BAZ2B: variants seen among roughly 807,000 people sequenced by gnomAD.
The protein encoded by BAZ2B is bromodomain adjacent to zinc finger domain 2B.
In BAZ2B, 91 loss-of-function variants were observed where a neutral mutation model predicts 246.0. The observed-to-expected ratio is 0.37, with a 90% CI of 0.31 to 0.44. The LOEUF (loss-of-function observed/expected upper bound fraction) is 0.44. BAZ2B is among the 20% of genes least tolerant of loss of function. The pLI is 1.00. For missense variants in BAZ2B, 2,332 were observed against 2,533.7 expected (o/e 0.92, Z 1.71); for synonymous variants, 855 against 860.0 (o/e 0.99, Z 0.10).
chr2:159,342,799 C>CT (rs1395799954), intron 31 of BAZ2B, among the ~76,000 whole-genome samples: 1 of 152,086 alleles, frequency 6.6e-6, no homozygotes, highest in East Asian at 1.9e-4. Flanking sequence ...TACAATCATG[C>CT]TTATGGATCA....
chr2:159,333,779 G>A (rs963856371), intron 33 of BAZ2B, among the ~76,000 whole-genome samples: 4 of 152,018 alleles, frequency 2.6e-5, no homozygotes, highest in Non-Finnish European at 4.4e-5. Context: ...TTATAACTTA[G>A]TATGTATACC....
chr2:159,545,544 A>G (rs2087215072), intron 2 of BAZ2B, among the ~76,000 whole-genome samples: 1 of 146,306 alleles, frequency 6.8e-6, no homozygotes, highest in South Asian at 2.2e-4. Context: ...TATACATTCC[A>G]GTTACACACT....
At chr2:159,643,599 G>C in the BAZ2B span, among the ~76,000 whole-genome samples, 2 of 152,096 alleles carry the variant, frequency 1.3e-5, no homozygotes, top group African/African-American at 2.4e-5. Flanking sequence ...AACTTGGCTG[G>C]TGCGGTGGCT....
chr2:159,620,552 G>T (rs750070466), upstream of BAZ2B, among the ~76,000 whole-genome samples: 1 of 152,090 alleles, frequency 6.6e-6, no homozygotes, highest in Non-Finnish European at 1.5e-5. Flanking sequence ...ACTAGAAAAG[G>T]CTTTATCAAA....
At chr2:159,365,457 T>C (rs977006417) in intron 27 of BAZ2B, among the ~76,000 whole-genome samples, 3 of 152,198 alleles carry the variant, frequency 2.0e-5, no homozygotes, top group Non-Finnish European at 2.9e-5. Flanking sequence ...TACACCTCAA[T>C]AGTTATTTCC....
At chr2:159,688,940 G>C in the BAZ2B span, among the ~76,000 whole-genome samples, 1 of 152,064 alleles carries the variant, frequency 6.6e-6, no homozygotes, top group East Asian at 1.9e-4. Flanking sequence ...TTCACAACTT[G>C]GTAAAGGTGG....
intron 14 of BAZ2B, 104 bp from the exon 15 acceptor site, chr2:159,405,218 AC>A (rs74694096): frequency 0.95 from 874,893 of 925,628 alleles, 414,473 homozygotes; most frequent in South Asian, 0.96. Flanking sequence ...TATAATTATT[AC>A]TTTTTTTTTT....
At chr2:159,564,752 T>C (rs956946200) in intron 1 of BAZ2B, among the ~76,000 whole-genome samples, 1 of 152,166 alleles carries the variant, frequency 6.6e-6, no homozygotes, top group African/African-American at 2.4e-5. Flanking sequence ...AAGAGTGTGA[T>C]CTTGACAAAG....
chr2:159,567,799 C>T (rs1476878899), intron 1 of BAZ2B, among the ~76,000 whole-genome samples: 2 of 152,042 alleles, frequency 1.3e-5, no homozygotes, highest in Admixed American at 6.6e-5. Flanking sequence ...TGGTGAAACC[C>T]CATCTCTACT....
At chr2:159,605,961 A>G (rs964935737) in intron 1 of BAZ2B, among the ~76,000 whole-genome samples, 1 of 152,160 alleles carries the variant, frequency 6.6e-6, no homozygotes, top group Non-Finnish European at 1.5e-5. Flanking sequence ...AAGTTATTAC[A>G]TGTTCTCTTC....
At chr2:159,511,009 T>G (rs1209120059) in intron 2 of BAZ2B, among the ~76,000 whole-genome samples, 1 of 152,238 alleles carries the variant, frequency 6.6e-6, no homozygotes, top group Non-Finnish European at 1.5e-5. Context: ...CATTTAATAT[T>G]TGTTTATACT....
rs879538229 is a variant in BAZ2B, at chr2:159,411,953, T to C, written c.2677+382A>G. 1.0e-5 allele frequency: 10 copies of C among 985,290 alleles called. No individual in the cohort carries two copies. In the Middle Eastern group the frequency reaches 2.1e-3, roughly 204 times the overall value. 61.0% of individuals were successfully genotyped at this position (985,290 alleles called of 1,614,324 possible). A position where few individuals can be genotyped will look rare whatever the true frequency, so the allele number is the denominator to read the frequency against. ...TGAAAATTTACTCCACAGATCCACA[T>C]ATTTTGGAGTTATTCCCATGTACCA... is the stretch of plus-strand genomic sequence containing the variant. On this transcript the variant is annotated intron_variant, in intron 14 of 36. Coordinates refer to ENST00000392783, the MANE Select transcript of BAZ2B (RefSeq NM_013450.4).
chr2:159,372,182 T>G (rs1448236572), intron 27 of BAZ2B, among the ~76,000 whole-genome samples: 2 of 152,214 alleles, frequency 1.3e-5, no homozygotes, highest in African/African-American at 4.8e-5. Flanking sequence ...TACAGCTTTG[T>G]GTCTCCTACA....
At chr2:159,565,765 A>G (rs2090340404) in intron 1 of BAZ2B, among the ~76,000 whole-genome samples, 1 of 134,094 alleles carries the variant, frequency 7.5e-6, no homozygotes, top group African/African-American at 2.8e-5. Context: ...CAACAGAGTG[A>G]GACTCCCATC....
chr2:159,400,468 A>G, intron 17 of BAZ2B, 131 bp downstream of exon 17: 1 of 604,298 alleles, frequency 1.7e-6, no homozygotes, highest in South Asian at 2.1e-5. Flanking sequence ...GTTTTATTCT[A>G]TGCAGAATGT....
intron 2 of BAZ2B, among the ~76,000 whole-genome samples, chr2:159,540,278 C>G (rs1427467311): frequency 6.6e-6 from 1 of 152,118 alleles, no homozygotes; most frequent in Non-Finnish European, 1.5e-5. Flanking sequence ...AAATTCCTAC[C>G]TAGGAATGTG....
At chr2:159,437,245 T>C (rs983987994) in intron 8 of BAZ2B, 10 of 152,224 alleles carry the variant, frequency 6.6e-5, no homozygotes, top group African/African-American at 2.4e-4. Flanking sequence ...ATTTAATTAT[T>C]AGAATTTTTT....
At chr2:159,552,407 G>A (rs1053100403) in intron 2 of BAZ2B, among the ~76,000 whole-genome samples, 4 of 152,138 alleles carry the variant, frequency 2.6e-5, no homozygotes, top group African/African-American at 4.8e-5. Flanking sequence ...ACGCCCATTG[G>A]TGTTATCTGT....
the BAZ2B span, among the ~76,000 whole-genome samples, chr2:159,705,994 G>C: frequency 1.3e-5 from 2 of 150,812 alleles, no homozygotes; most frequent in African/African-American, 4.9e-5. Context: ...AAAAAAGTTA[G>C]ATGAAGATGC....
Sources: allele counts gnomAD v4.1 joint callset (sites outside exome capture counted in the v4.1 genomes callset), GRCh38; gene constraint gnomAD v4.1.1; transcripts MANE v1.5; gene names NCBI Gene and HGNC (gene_info 2026-07-23, HGNC 2026-07-21).